The following WWC2 variants were observed in gnomAD, a reference collection of about 807,000 sequenced individuals.
WWC2 encodes the protein WW and C2 domain containing 2.
Under a neutral mutation model 138.5 loss-of-function variants are expected in WWC2, and 101 were observed. The ratio of observed to expected loss-of-function variants is 0.73; its 90% CI spans 0.62 to 0.86. The LOEUF (loss-of-function observed/expected upper bound fraction) is 0.86, where lower values mean the gene tolerates loss of function less well. Ranked by LOEUF, WWC2 falls within the 40% of genes least tolerant of loss-of-function variation. WWC2 has a pLI of 0.00. For missense variants in WWC2, 1,420 were observed against 1,419.4 expected (o/e 1.00, Z -0.01); for synonymous variants, 558 against 538.4 (o/e 1.04, Z -0.50).
At chr4:183,240,830 T>C (rs1458923364) in intron 5 of WWC2, among the ~76,000 whole-genome samples, 1 of 152,182 alleles carries the variant, frequency 6.6e-6, no homozygotes, top group Non-Finnish European at 1.5e-5. Flanking sequence ...CGTTTGCTAC[T>C]GAAGTTGGCT....
At chr4:183,233,792 T>G (rs1326933834) in intron 4 of WWC2, 2 of 152,174 alleles carry the variant, frequency 1.3e-5, no homozygotes, top group Admixed American at 6.5e-5. Context: ...TCTTGTTTTC[T>G]TTAAAGGTGG....
intron 21 of WWC2, among the ~76,000 whole-genome samples, chr4:183,301,240 A>G (rs1185670802): frequency 2.6e-5 from 4 of 152,178 alleles, no homozygotes; most frequent in Non-Finnish European, 5.9e-5. Flanking sequence ...CCTAATGAAA[A>G]ATTATCCATT....
At chr4:183,260,159 T>G (rs1038687896) in intron 10 of WWC2, among the ~76,000 whole-genome samples, 5 of 152,208 alleles carry the variant, frequency 3.3e-5, no homozygotes, top group Non-Finnish European at 7.3e-5. Flanking sequence ...TAAGCTTGCC[T>G]TCTTTTCTCT....
At chr4:183,259,555 A>G in intron 9 of WWC2, 84 bp from the exon 10 acceptor site, 9 of 1,071,358 alleles carry the variant, frequency 8.4e-6, no homozygotes, top group Non-Finnish European at 1.1e-5. Context: ...GTGATCTGTA[A>G]TGTTTGTACA....
At chr4:183,276,675 C>T (rs1196972619) in intron 16 of WWC2, among the ~76,000 whole-genome samples, 2 of 152,054 alleles carry the variant, frequency 1.3e-5, no homozygotes, top group South Asian at 2.1e-4. Context: ...GATTTCCTCA[C>T]GTTTTTACCC....
chr4:183,208,388 C>T (rs1278045420), intron 3 of WWC2, among the ~76,000 whole-genome samples: 1 of 152,230 alleles, frequency 6.6e-6, no homozygotes, highest in African/African-American at 2.4e-5. Flanking sequence ...GCACCTGCCT[C>T]TGCCAGGTTG....
intron 21 of WWC2, among the ~76,000 whole-genome samples, chr4:183,294,168 G>C (rs1218586305): frequency 6.6e-6 from 1 of 152,082 alleles, no homozygotes; most frequent in African/African-American, 2.4e-5. Context: ...TACAAAAACA[G>C]GGCAGGCCAT....
rs1580120774 is a variant in WWC2 at position 183,260,919 on chromosome 4, C to G, written c.1296C>G (p.Ala432=). ...YLHSQLKSLS[A]STLSMSSGSS... ...GCTTTTTGTCTTTCAGCCTCTCTGC[C>G]AGCACCCTGTCCATGTCATCTGGGA... The change falls in exon 11 of 23, where the codon GCC becomes GCG. Residue 432 remains alanine, a synonymous_variant. Transcript: ENST00000403733. 6.2e-7 allele frequency: 1 copy of G among 1,613,476 alleles called. No homozygotes were observed. Among genetic ancestry groups the G allele is most frequent in the Non-Finnish European group, 8.5e-7 (1 of 1,179,770 alleles).
intron 21 of WWC2, 97 bp downstream of exon 21, chr4:183,289,732 T>A: frequency 6.6e-7 from 1 of 1,510,534 alleles, no homozygotes; most frequent in South Asian, 1.3e-5. Flanking sequence ...GTTTTGCGCA[T>A]AAGTCTTTAG....
intron 18 of WWC2, 64 bp from the exon 19 acceptor site, chr4:183,284,162 G>T: frequency 6.4e-7 from 1 of 1,573,800 alleles, no homozygotes; most frequent in Admixed American, 1.8e-5. Flanking sequence ...TTCTTTCTTA[G>T]AAGAAAGGAG....
intron 1 of WWC2, among the ~76,000 whole-genome samples, chr4:183,132,449 TTC>T (rs1443549674): frequency 2.0e-5 from 3 of 152,000 alleles, no homozygotes; most frequent in African/African-American, 7.2e-5. Context: ...TAAAAAGATT[TTC>T]TGTTTCTTTT....
At chr4:183,133,157 T>C (rs1307976321) in intron 1 of WWC2, among the ~76,000 whole-genome samples, 1 of 142,806 alleles carries the variant, frequency 7.0e-6, no homozygotes, top group Admixed American at 6.9e-5. Context: ...TTTTTCTTTT[T>C]TTTTTTTTTT....
In WWC2 at chr4:183,099,345, G is replaced by A. The variant is rs1394100901; in HGVS notation, c.-147G>A. 4 of 779,630 alleles carry A rather than the reference G, an allele frequency of 5.1e-6. No individual in the cohort carries two copies. The highest frequency in any genetic ancestry group is 1.9e-5 in the African/African-American group (1 of 53,646). The allele number at this position is 779,630 out of a possible 1,614,324, so 48.3% of individuals were successfully genotyped here. A position where few individuals can be genotyped will look rare whatever the true frequency, so the allele number is the denominator to read the frequency against. On this transcript the variant is annotated 5_prime_UTR_variant, in exon 1 of 23. Coordinates refer to ENST00000403733, the MANE Select transcript of WWC2 (RefSeq NM_024949.6). The stretch of plus-strand genomic sequence containing the variant: ...GTTTCCTGAGGCACCTCCCGCGCGT[G>A]GTTCCGCCGCGCCCCGCGCCCTGCG...
chr4:183,102,966 AG>A (rs1335815026), intron 1 of WWC2, among the ~76,000 whole-genome samples: 3 of 151,652 alleles, frequency 2.0e-5, no homozygotes, highest in Middle Eastern at 3.5e-3. Context: ...TTAAGTGGGC[AG>A]GCCTCAGAGA....
intron 21 of WWC2, among the ~76,000 whole-genome samples, chr4:183,305,364 C>T (rs532204061): frequency 3.3e-5 from 5 of 152,258 alleles, no homozygotes; most frequent in African/African-American, 1.2e-4. Context: ...CTGAGACTTT[C>T]TCCAAATTAA....
chr4:183,282,520 C>A, intron 17 of WWC2, 188 bp from the exon 18 acceptor site: 1 of 593,332 alleles, frequency 1.7e-6, no homozygotes, highest in South Asian at 2.3e-5. Context: ...GATTTTGCTG[C>A]AGGTTACTAG....
At chr4:183,287,758 G>A (rs1167772309) in intron 20 of WWC2, among the ~76,000 whole-genome samples, 2 of 152,208 alleles carry the variant, frequency 1.3e-5, no homozygotes, top group African/African-American at 2.4e-5. Context: ...GATGAGGTTA[G>A]AGGGGTACCG....
chr4:183,265,644 A>G (rs1296538751), intron 12 of WWC2, 44 bp from the exon 13 acceptor site: 1 of 1,552,738 alleles, frequency 6.4e-7, no homozygotes, highest in Non-Finnish European at 8.8e-7. Context: ...ATAACAATCG[A>G]TAACCCCATT....
chr4:183,112,599 T>C (rs1399439598), intron 1 of WWC2, among the ~76,000 whole-genome samples: 3 of 152,244 alleles, frequency 2.0e-5, no homozygotes, highest in Non-Finnish European at 2.9e-5. Flanking sequence ...ACTATATGCC[T>C]AGCACATACA....
Sources: gnomAD v4.1 joint callset for allele counts (sites outside exome capture counted in the v4.1 genomes callset) on GRCh38, gnomAD v4.1.1 for gene constraint, MANE v1.5 for transcripts, NCBI Gene and HGNC (gene_info 2026-07-23, HGNC 2026-07-21) for gene names.